TMLHE: variants seen among roughly 807,000 people sequenced by gnomAD.
TMLHE encodes the protein trimethyllysine dioxygenase, mitochondrial.
TMLHE carries 18 observed loss-of-function variants against 25.7 expected under a neutral mutation model. The ratio of observed to expected loss-of-function variants is 0.70; its 90% CI spans 0.48 to 1.04. TMLHE has a LOEUF of 1.04. Ranked by LOEUF, TMLHE falls within the 50% of genes least tolerant of loss-of-function variation. The pLI, the probability that TMLHE is intolerant of heterozygous loss-of-function variation, is 0.00. For missense variants in TMLHE, 236 were observed against 259.0 expected (o/e 0.91, Z 0.61); for synonymous variants, 105 against 97.0 (o/e 1.08, Z -0.49).
At chrX:155,511,871 T>C in intron 4 of TMLHE, 79 bp from the exon 5 acceptor site, 1 of 989,462 alleles carries the variant, frequency 1.0e-6, no homozygotes, top group Non-Finnish European at 1.3e-6. Flanking sequence ...TCCAATACCT[T>C]CTTTAGTTAC....
chrX:155,546,386 C>T (rs2067344963), intron 1 of TMLHE, among the ~76,000 whole-genome samples: 1 of 111,424 alleles, frequency 9.0e-6, no homozygotes, highest in Non-Finnish European at 1.9e-5. Context: ...TGGCAGAAGA[C>T]TGAGAGAGCT....
chrX:155,600,181 T>G (rs782570424), intron 1 of TMLHE, among the ~76,000 whole-genome samples: 4 of 111,902 alleles, frequency 3.6e-5, no homozygotes, highest in African/African-American at 6.5e-5. Flanking sequence ...CAAAATAATT[T>G]TTTTAGAAAA....
At chrX:155,579,725 T>C (rs1488297892) in intron 1 of TMLHE, among the ~76,000 whole-genome samples, 1 of 111,088 alleles carries the variant, frequency 9.0e-6, no homozygotes, top group African/African-American at 3.3e-5. Flanking sequence ...TTCCCATCTT[T>C]ATAGGACATC....
chrX:155,588,636 A>G (rs997634586), intron 1 of TMLHE, among the ~76,000 whole-genome samples: 9 of 110,865 alleles, frequency 8.1e-5, no homozygotes, highest in Non-Finnish European at 1.3e-4. Flanking sequence ...AGAACTCAAC[A>G]ATAAAAAAAA....
intron 5 of TMLHE, among the ~76,000 whole-genome samples, chrX:155,509,459 G>T (rs1227740695): frequency 9.0e-6 from 1 of 111,548 alleles, no homozygotes; most frequent in African/African-American, 3.3e-5. Flanking sequence ...CTTGGTCCTT[G>T]CCATTGATTA....
Position 155,524,516 on chromosome X carries a change from C to T in TMLHE, c.298G>A (p.Val100Met). Residue 100 changes from valine to methionine, a missense_variant, in exon 3 of 8, where the codon GTG (valine) becomes ATG (methionine). Physicochemically the swap from Val to Met is conservative, Grantham distance 21 (BLOSUM62 1). Coordinates refer to ENST00000334398, the MANE Select transcript of TMLHE (RefSeq NM_018196.4). The stretch of plus-strand genomic sequence containing the variant: ...GTCTTTGGCTTGATACATAAATCCA[C>T]ACTGGCAGTATCCAGGCTGCGCTGG... ...THQRSLDTAS[V>M]DLCIKPKTIR... The T allele has an allele frequency of 8.3e-7, 1 of 1,209,132 alleles. No homozygotes were observed.
intron 1 of TMLHE, among the ~76,000 whole-genome samples, chrX:155,580,948 A>C (rs1209756335): frequency 2.7e-5 from 3 of 111,938 alleles, no homozygotes; most frequent in Non-Finnish European, 3.8e-5. Context: ...AACCAAATCT[A>C]TCAGCACATC....
chrX:155,559,239 T>G (rs1416724265), intron 1 of TMLHE, among the ~76,000 whole-genome samples: 1 of 111,504 alleles, frequency 9.0e-6, no homozygotes, highest in Non-Finnish European at 1.9e-5. Flanking sequence ...CTTGTTGTCT[T>G]TACAAATATG....
Position 155,560,873 on chromosome X carries a change from A to G in TMLHE, c.-1-15596T>C, listed in dbSNP as rs1481437256. 1.5e-4 allele frequency among the ~76,000 whole-genome samples: 9 copies of G among 61,646 alleles called. 1 individual carries two copies. The highest frequency in any genetic ancestry group is 2.9e-4 in the African/African-American group (8 of 27,801). The allele number at this position is 61,646 out of a possible 115,157, so 53.5% of individuals were successfully genotyped here. On this transcript the variant is annotated intron_variant, in intron 1 of 7. Transcript: ENST00000334398. ...TAGGGTTTTAAAACTAATAGGTAAC[A>G]TGATGACACATTTTAAATGAACTGT...
At chrX:155,573,990 A>G (rs1209815704) in intron 1 of TMLHE, among the ~76,000 whole-genome samples, 1 of 105,100 alleles carries the variant, frequency 9.5e-6, no homozygotes, top group African/African-American at 3.7e-5. Flanking sequence ...TAATAATAAT[A>G]AAATAAAATA....
intron 1 of TMLHE, among the ~76,000 whole-genome samples, chrX:155,586,149 C>A (rs184421023): frequency 2.4e-3 from 263 of 108,789 alleles, no homozygotes; most frequent in African/African-American, 8.6e-3. Context: ...ATTGCTTGAA[C>A]CTGGGAGGCA....
In TMLHE at chrX:155,544,734, C is replaced by G. The variant is rs781924834; in HGVS notation, c.181+362G>C. On this transcript the variant is annotated intron_variant, in intron 2 of 7. Coordinates refer to ENST00000334398, the MANE Select transcript of TMLHE (RefSeq NM_018196.4). ...CTTTCTTTTCTTTATTTTTTTTTCCCTTAGGTAAGACAGGGAGATGGAGTG... is the reference window on the plus strand; with the variant it reads ...CTTTCTTTTCTTTATTTTTTTTTCCGTTAGGTAAGACAGGGAGATGGAGTG... 2.1e-3 allele frequency among the ~76,000 whole-genome samples: 227 copies of G among 109,852 alleles called. 1 individual carries two copies. The highest frequency in any genetic ancestry group is 7.2e-3 in the African/African-American group (219 of 30,215).
At chrX:155,549,350 T>A (rs1306579254) in intron 1 of TMLHE, among the ~76,000 whole-genome samples, 2 of 110,805 alleles carry the variant, frequency 1.8e-5, no homozygotes, top group Non-Finnish European at 3.8e-5. Flanking sequence ...AGCCATGTTT[T>A]TGGATTTTTT....
Position 155,556,727 on chromosome X carries a change from C to T in TMLHE, c.-1-11450G>A, listed in dbSNP as rs370717051. ...CAGGGGACAGGGTTTTGAGATCAAC[C>T]GGTCTGACCAAAATTTATTAGGCAG... On this transcript the variant is annotated intron_variant, in intron 1 of 7. Transcript: ENST00000334398. Among the ~76,000 whole-genome samples, 15 of 110,143 alleles carry T rather than the reference C, an allele frequency of 1.4e-4. No individual in the cohort carries two copies. In the East Asian group the frequency reaches 2.3e-3, roughly 17 times the overall value.
chrX:155,524,379 G>A, intron 3 of TMLHE, 77 bp downstream of exon 3: 2 of 908,582 alleles, frequency 2.2e-6, no homozygotes. Context: ...TTTTTGAAAG[G>A]AACAAACCAT....
chrX:155,522,635 A>T (rs1356143374), intron 3 of TMLHE, among the ~76,000 whole-genome samples: 1 of 112,066 alleles, frequency 8.9e-6, no homozygotes, highest in African/African-American at 3.2e-5. Flanking sequence ...ACTGTTACAA[A>T]CATGAAATCA....
chrX:155,541,755 A>G (rs782249501), intron 2 of TMLHE, among the ~76,000 whole-genome samples: 25 of 111,750 alleles, frequency 2.2e-4, no homozygotes, highest in Non-Finnish European at 3.8e-4. Flanking sequence ...ATGTGAGATG[A>G]TATCTCATTA....
chrX:155,566,050 G>A (rs1264106006), intron 1 of TMLHE, among the ~76,000 whole-genome samples: 1 of 61,853 alleles, frequency 1.6e-5, no homozygotes, highest in African/African-American at 3.6e-5. Context: ...ATGATGAATA[G>A]CTAGAAAAAA....
At chrX:155,586,562 G>T (rs1200355782) in intron 1 of TMLHE, among the ~76,000 whole-genome samples, 2 of 111,124 alleles carry the variant, frequency 1.8e-5, no homozygotes, top group Non-Finnish European at 3.8e-5. Flanking sequence ...AAAATACAAA[G>T]ATCAACAAAA....
Sources: gnomAD v4.1 joint callset for allele counts (sites outside exome capture counted in the v4.1 genomes callset) on GRCh38, gnomAD v4.1.1 for gene constraint, MANE v1.5 for transcripts, NCBI Gene and HGNC (gene_info 2026-07-23, HGNC 2026-07-21) for gene names.